Variants in RAPGEF2 observed in about 807,000 individuals in gnomAD.
RAPGEF2 encodes the protein Rap guanine nucleotide exchange factor 2.
In RAPGEF2, 54 loss-of-function variants were observed where a neutral mutation model predicts 186.7. That is an observed-to-expected ratio of 0.29 (90% CI 0.23 to 0.36). RAPGEF2 has a LOEUF of 0.36. RAPGEF2 is among the 10% of genes least tolerant of loss of function. RAPGEF2 has a pLI of 1.00. For missense variants in RAPGEF2, 1,532 were observed against 2,045.0 expected (o/e 0.75, Z 4.84); for synonymous variants, 712 against 705.9 (o/e 1.01, Z -0.14).
At chr4:159,168,736 G>A (rs968373445) in intron 1 of RAPGEF2, among the ~76,000 whole-genome samples, 2 of 152,156 alleles carry the variant, frequency 1.3e-5, no homozygotes, top group Non-Finnish European at 1.5e-5. Flanking sequence ...ATGCGTAGGA[G>A]GTACTCAGTA....
At chr4:159,227,902 G>A (rs1267156008) in intron 4 of RAPGEF2, among the ~76,000 whole-genome samples, 1 of 152,130 alleles carries the variant, frequency 6.6e-6, no homozygotes, top group African/African-American at 2.4e-5. Flanking sequence ...TTGGCGGAGA[G>A]CAACTAGTTT....
Position 159,200,501 on chromosome 4 carries a change from A to T in RAPGEF2, c.197+7245A>T, listed in dbSNP as rs182355857. On this transcript the variant is annotated intron_variant, in intron 3 of 29. Coordinates refer to ENST00000691494, the MANE Select transcript of RAPGEF2 (RefSeq NM_001394067.2). Reference sequence around the variant, plus strand: ...ATAAAAATAATAAATAATGAAAAAAATGATAACATTAATGAGCCTATAGAA... The same window carrying T: ...ATAAAAATAATAAATAATGAAAAAATTGATAACATTAATGAGCCTATAGAA... Among the ~76,000 whole-genome samples, 3 of 152,244 alleles carry T rather than the reference A, an allele frequency of 2.0e-5. No homozygotes were observed. In the East Asian group the frequency reaches 5.8e-4, roughly 29 times the overall value.
At chr4:159,193,886 C>G (rs373047183) in intron 3 of RAPGEF2, among the ~76,000 whole-genome samples, 1 of 152,312 alleles carries the variant, frequency 6.6e-6, no homozygotes, top group African/African-American at 2.4e-5. Flanking sequence ...TTTCTACCTT[C>G]TAGACTTATT....
At chr4:159,250,667 T>G (rs1385133244) in intron 7 of RAPGEF2, among the ~76,000 whole-genome samples, 8 of 33,864 alleles carry the variant, frequency 2.4e-4, no homozygotes, top group African/African-American at 6.5e-4. Flanking sequence ...GCACTCTTCT[T>G]TTTTTTTTTT....
intron 8 of RAPGEF2, 63 bp downstream of exon 8, chr4:159,304,536 C>T (rs2111052664): frequency 6.9e-7 from 1 of 1,450,708 alleles, no homozygotes; most frequent in Non-Finnish European, 9.5e-7. Context: ...TTTTAAGGTT[C>T]TCAGCTGATA....
intron 7 of RAPGEF2, among the ~76,000 whole-genome samples, chr4:159,271,253 A>T (rs1288933711): frequency 1.3e-5 from 2 of 152,222 alleles, no homozygotes; most frequent in Non-Finnish European, 2.9e-5. Context: ...AATTAAAAAA[A>T]GTTTTAAAAT....
chr4:159,218,481 C>T (rs183234050), intron 4 of RAPGEF2, among the ~76,000 whole-genome samples: 6 of 152,172 alleles, frequency 3.9e-5, no homozygotes, highest in Non-Finnish European at 2.9e-5. Context: ...GTTGGCCTGG[C>T]GCAGTGGCTC....
intron 7 of RAPGEF2, among the ~76,000 whole-genome samples, chr4:159,276,288 T>A (rs542730946): frequency 6.6e-6 from 1 of 152,212 alleles, no homozygotes; most frequent in Admixed American, 6.5e-5. Flanking sequence ...TAATTGATTT[T>A]ACACTTACTT....
intron 1 of RAPGEF2, among the ~76,000 whole-genome samples, chr4:159,133,479 T>G (rs1036911728): frequency 2.0e-5 from 3 of 152,034 alleles, no homozygotes; most frequent in African/African-American, 4.8e-5. Context: ...TGGTGCGATC[T>G]CAGCTCACTG....
chr4:159,178,074 C>T (rs557190512), intron 1 of RAPGEF2, among the ~76,000 whole-genome samples: 2 of 152,298 alleles, frequency 1.3e-5, no homozygotes, highest in South Asian at 2.1e-4. Context: ...GCCTCAGTTT[C>T]CTTGACCATT....
At chr4:159,223,781 TTC>T (rs1433203565) in intron 4 of RAPGEF2, among the ~76,000 whole-genome samples, 6 of 152,216 alleles carry the variant, frequency 3.9e-5, no homozygotes, top group African/African-American at 1.4e-4. Flanking sequence ...GTGAGACCAT[TTC>T]TGTTTACCTC....
At chr4:159,333,891 T>TA (rs1321567617) in intron 17 of RAPGEF2, among the ~76,000 whole-genome samples, 1 of 152,236 alleles carries the variant, frequency 6.6e-6, no homozygotes, top group African/African-American at 2.4e-5. Flanking sequence ...TTTTCTTTTT[T>TA]AAAAAAATTC....
chr4:159,348,821 A>G (rs1730769542), intron 25 of RAPGEF2, among the ~76,000 whole-genome samples: 1 of 152,184 alleles, frequency 6.6e-6, no homozygotes, highest in Non-Finnish European at 1.5e-5. Context: ...GAAATATTAT[A>G]TGTTGTCTTA....
chr4:159,271,829 A>T (rs1354097503), intron 7 of RAPGEF2, among the ~76,000 whole-genome samples: 1 of 152,224 alleles, frequency 6.6e-6, no homozygotes, highest in Non-Finnish European at 1.5e-5. Flanking sequence ...AAATCATTTT[A>T]TAAAACTTTC....
chr4:159,130,405 C>G (rs1030925388), intron 1 of RAPGEF2, among the ~76,000 whole-genome samples: 1 of 152,162 alleles, frequency 6.6e-6, no homozygotes, highest in Non-Finnish European at 1.5e-5. Flanking sequence ...GCCCTGTCAC[C>G]TAGGTGGAAT....
chr4:159,342,553 A>ATATTATT (rs1561316713), intron 20 of RAPGEF2, among the ~76,000 whole-genome samples: 6,603 of 71,340 alleles, frequency 0.093, 481 homozygotes, highest in Non-Finnish European at 0.14. Flanking sequence ...TTTATTTTAT[A>ATATTATT]TTATTTTATT....
At chr4:159,315,611 A>G (rs1021305860) in intron 9 of RAPGEF2, among the ~76,000 whole-genome samples, 2 of 152,152 alleles carry the variant, frequency 1.3e-5, no homozygotes, top group Admixed American at 1.3e-4. Context: ...ATTGGATACA[A>G]AACAAAGGGG....
intron 4 of RAPGEF2, among the ~76,000 whole-genome samples, chr4:159,223,527 TTTATTA>T (rs1009911965): frequency 6.6e-6 from 1 of 152,212 alleles, no homozygotes; most frequent in African/African-American, 2.4e-5. Flanking sequence ...ATTGTTGTGT[TTTATTA>T]TTATTTTATG....
At chr4:159,256,143 A>G (rs1756130426) in intron 7 of RAPGEF2, among the ~76,000 whole-genome samples, 1 of 152,208 alleles carries the variant, frequency 6.6e-6, no homozygotes, top group African/African-American at 2.4e-5. Context: ...AACGTGTGCC[A>G]TGGTGGTTTG....
Sources: allele counts gnomAD v4.1 joint callset (sites outside exome capture counted in the v4.1 genomes callset), GRCh38; gene constraint gnomAD v4.1.1; transcripts MANE v1.5; gene names NCBI Gene and HGNC (gene_info 2026-07-23, HGNC 2026-07-21).